CSNK1G1: variants seen among roughly 807,000 people sequenced by gnomAD.
CSNK1G1 encodes the protein casein kinase 1 gamma 1.
Under a neutral mutation model 59.6 loss-of-function variants are expected in CSNK1G1, and 22 were observed. That is an observed-to-expected ratio of 0.37 (90% confidence interval 0.26 to 0.53). The LOEUF (loss-of-function observed/expected upper bound fraction) is 0.53, where lower values mean the gene tolerates loss of function less well. Among genes scored for constraint, CSNK1G1 ranks in the 20% least tolerant of loss-of-function variants. The pLI, the probability that CSNK1G1 is intolerant of heterozygous loss-of-function variation, is 0.89. For missense variants in CSNK1G1, 384 were observed against 519.5 expected (o/e 0.74, Z 2.54); for synonymous variants, 179 against 177.1 (o/e 1.01, Z -0.08).
At chr15:64,181,394 C>T (rs1484619263) in intron 10 of CSNK1G1, 1 of 1,535,258 alleles carries the variant, frequency 6.5e-7, no homozygotes, top group African/African-American at 1.4e-5. Context: ...AGGGGCCTCA[C>T]TGCTGGACAA....
chr15:64,235,725 T>C (rs2082605441), intron 4 of CSNK1G1, among the ~76,000 whole-genome samples: 1 of 152,172 alleles, frequency 6.6e-6, no homozygotes, highest in Non-Finnish European at 1.5e-5. Flanking sequence ...ACTGTGTTAA[T>C]GAGAACATAT....
chr15:64,327,305 C>T (rs1194034065), intron 1 of CSNK1G1, among the ~76,000 whole-genome samples: 1 of 149,770 alleles, frequency 6.7e-6, no homozygotes, highest in East Asian at 2.0e-4. Flanking sequence ...CAGTGGTTCT[C>T]CCAGCACGCA....
chr15:64,288,570 ATG>A lies in CSNK1G1; in HGVS notation c.181+11747_181+11748del, dbSNP rs548317034. Reference sequence around the variant, plus strand: ...TAAAGTTATATATATATATGTGTGTATGTGTGTGTGTGTTTGTGTGCATGTGT... The same window carrying A: ...TAAAGTTATATATATATATGTGTGTATGTGTGTGTGTTTGTGTGCATGTGT... On this transcript the variant is annotated intron_variant, in intron 2 of 11. Transcript: ENST00000303052. Among the ~76,000 whole-genome samples the A allele has an allele frequency of 1.5e-3, 224 of 151,266 alleles. 1 individual carries two copies. Among genetic ancestry groups the A allele is most frequent in the East Asian group, 2.9e-3 (15 of 5,148 alleles).
At chr15:64,190,918 A>G (rs1175862890) in intron 10 of CSNK1G1, among the ~76,000 whole-genome samples, 1 of 152,232 alleles carries the variant, frequency 6.6e-6, no homozygotes, top group African/African-American at 2.4e-5. Flanking sequence ...CTCTTAAACT[A>G]TTATACAGTA....
At chr15:64,321,516 A>C (rs1423497264) in intron 1 of CSNK1G1, among the ~76,000 whole-genome samples, 1 of 152,144 alleles carries the variant, frequency 6.6e-6, no homozygotes, top group Non-Finnish European at 1.5e-5. Flanking sequence ...CTCCTGCTTC[A>C]ACCTCCCAAA....
At chr15:64,232,632 A>C (rs1333882844) in intron 4 of CSNK1G1, among the ~76,000 whole-genome samples, 1 of 152,152 alleles carries the variant, frequency 6.6e-6, no homozygotes, top group Non-Finnish European at 1.5e-5. Flanking sequence ...TGAGCTAGGA[A>C]GAAGAGTGAC....
At chr15:64,349,702 G>A (rs1051617741) in intron 1 of CSNK1G1, among the ~76,000 whole-genome samples, 4 of 152,004 alleles carry the variant, frequency 2.6e-5, no homozygotes, top group East Asian at 1.9e-4. Flanking sequence ...TTTCTGGTCC[G>A]CTAAGTTAAG....
At chr15:64,344,963 T>C (rs932430863) in intron 1 of CSNK1G1, among the ~76,000 whole-genome samples, 24 of 152,202 alleles carry the variant, frequency 1.6e-4, no homozygotes, top group African/African-American at 5.8e-4. Context: ...AATGTATCTC[T>C]GGAGAATCTA....
chr15:64,288,438 G>A (rs552162015), intron 2 of CSNK1G1, among the ~76,000 whole-genome samples: 26 of 152,116 alleles, frequency 1.7e-4, no homozygotes, highest in Admixed American at 7.2e-4. Context: ...AGACGACATG[G>A]ATAAAATAAT....
chr15:64,286,451 C>T (rs1894429704), intron 2 of CSNK1G1, among the ~76,000 whole-genome samples: 1 of 150,486 alleles, frequency 6.6e-6, no homozygotes, highest in African/African-American at 2.5e-5. Flanking sequence ...TTAACCCAAA[C>T]TACCTGGAAT....
In CSNK1G1 at chr15:64,188,071, T is replaced by C. The variant is rs1418179441; in HGVS notation, c.1108-7617A>G. Among the ~76,000 whole-genome samples, 11 of 152,358 alleles carry C rather than the reference T, an allele frequency of 7.2e-5. No homozygotes were observed. Among genetic ancestry groups the C allele is most frequent in the African/African-American group, 2.6e-4 (11 of 41,588 alleles). On this transcript the variant is annotated intron_variant, in intron 10 of 11. Coordinates refer to ENST00000303052, the MANE Select transcript of CSNK1G1 (RefSeq NM_022048.5). The surrounding 1 kb of genome is among the most constrained non-coding windows in gnomAD (Gnocchi z 4.2). ...TCTTTACAATTCACAGACTTGACAC[T>C]AACACAATCCTACCTTGATGTTATT...
chr15:64,273,166 T>C (rs943045536), intron 2 of CSNK1G1, among the ~76,000 whole-genome samples: 1 of 152,244 alleles, frequency 6.6e-6, no homozygotes, highest in Non-Finnish European at 1.5e-5. Context: ...AAAGTTATTA[T>C]CACAAAGGAA....
intron 2 of CSNK1G1, among the ~76,000 whole-genome samples, chr15:64,266,654 G>A (rs1893004865): frequency 6.6e-6 from 1 of 152,112 alleles, no homozygotes; most frequent in Non-Finnish European, 1.5e-5. Context: ...AAGCAGCATG[G>A]CACTGGCATA....
intron 1 of CSNK1G1, among the ~76,000 whole-genome samples, chr15:64,320,496 T>G (rs1047564859): frequency 6.6e-6 from 1 of 151,566 alleles, no homozygotes; most frequent in Non-Finnish European, 1.5e-5. Context: ...CTGGCCAACA[T>G]GGGGAAATTC....
intron 8 of CSNK1G1, 82 bp from the exon 9 acceptor site, chr15:64,204,671 G>C: frequency 7.0e-7 from 1 of 1,433,712 alleles, no homozygotes; most frequent in Middle Eastern, 1.8e-4. Context: ...GGCCACAAAG[G>C]GGTTATTTAT....
At chr15:64,279,891 G>A (rs969355594) in intron 2 of CSNK1G1, among the ~76,000 whole-genome samples, 1 of 151,012 alleles carries the variant, frequency 6.6e-6, no homozygotes, top group African/African-American at 2.4e-5. Context: ...AGAATCCCTT[G>A]AACCCAGGAG....
intron 1 of CSNK1G1, among the ~76,000 whole-genome samples, chr15:64,346,618 C>G (rs189500076): frequency 6.6e-6 from 1 of 151,846 alleles, no homozygotes; most frequent in Admixed American, 6.6e-5. Flanking sequence ...CCACCACACC[C>G]GGCTAATTTT....
At chr15:64,327,753 G>A (rs1896928010) in intron 1 of CSNK1G1, among the ~76,000 whole-genome samples, 1 of 143,308 alleles carries the variant, frequency 7.0e-6, no homozygotes, top group Non-Finnish European at 1.5e-5. Flanking sequence ...TCAAACCAAA[G>A]GCAAAGAAGT....
At chr15:64,354,177 C>T (rs987436217) in intron 1 of CSNK1G1, among the ~76,000 whole-genome samples, 5 of 151,642 alleles carry the variant, frequency 3.3e-5, no homozygotes, top group Admixed American at 6.6e-5. Flanking sequence ...TAGTGGCAGG[C>T]GCCTGTGATC....
Sources: allele counts gnomAD v4.1 joint callset (sites outside exome capture counted in the v4.1 genomes callset), GRCh38; gene constraint gnomAD v4.1.1; non-coding constraint Gnocchi (gnomAD v3.1); transcripts MANE v1.5; gene names NCBI Gene and HGNC (gene_info 2026-07-23, HGNC 2026-07-21).